Variants in SLC10A7 observed in about 807,000 individuals in gnomAD.
SLC10A7 encodes the protein solute carrier family 10 member 7, also known as sodium/bile acid cotransporter 7.
Under a neutral mutation model 43.2 loss-of-function variants are expected in SLC10A7, and 29 were observed. That is an observed-to-expected ratio of 0.67 (90% CI 0.50 to 0.92). The LOEUF is 0.92. SLC10A7 is among the 40% of genes least tolerant of loss of function. The pLI, the probability that SLC10A7 is intolerant of heterozygous loss-of-function variation, is 0.00. For synonymous variants in SLC10A7, 152 were observed against 144.8 expected (o/e 1.05, Z -0.35); for missense variants, 295 against 403.2 (o/e 0.73, Z 2.30).
chr4:146,519,244 A>G (rs1243190209), intron 1 of SLC10A7, among the ~76,000 whole-genome samples: 1 of 141,726 alleles, frequency 7.1e-6, no homozygotes, highest in Non-Finnish European at 1.5e-5. Flanking sequence ...TATATATAAT[A>G]ATATATTTTA....
chr4:146,376,681 G>T (rs1375155742), intron 5 of SLC10A7, among the ~76,000 whole-genome samples: 1 of 152,088 alleles, frequency 6.6e-6, no homozygotes, highest in Non-Finnish European at 1.5e-5. Context: ...GTGCCATAAA[G>T]AAATAGCACT....
intron 5 of SLC10A7, among the ~76,000 whole-genome samples, chr4:146,361,707 T>A (rs1736061807): frequency 6.6e-6 from 1 of 151,988 alleles, no homozygotes; most frequent in South Asian, 2.1e-4. Context: ...ATCAGAAACA[T>A]CCAGGAAAAC....
chr4:146,418,634 G>C (rs1017534296), intron 5 of SLC10A7, among the ~76,000 whole-genome samples: 1 of 152,156 alleles, frequency 6.6e-6, no homozygotes, highest in African/African-American at 2.4e-5. Context: ...CCAAAGCAAA[G>C]TGCATTTCCT....
chr4:146,276,779 C>T (rs1010558852), intron 10 of SLC10A7, among the ~76,000 whole-genome samples: 10 of 151,852 alleles, frequency 6.6e-5, no homozygotes, highest in Admixed American at 1.3e-4. Context: ...ACGAAGCCCC[C>T]GTCTCTACAA....
chr4:146,516,251 T>C (rs1737949040), intron 2 of SLC10A7, among the ~76,000 whole-genome samples: 1 of 151,824 alleles, frequency 6.6e-6, no homozygotes, highest in African/African-American at 2.4e-5. Context: ...TTTTCTTCCA[T>C]TGTAAGTTAA....
chr4:146,477,936 T>C (rs1426853268), intron 4 of SLC10A7: 2 of 152,220 alleles, frequency 1.3e-5, no homozygotes, highest in Non-Finnish European at 2.9e-5. Context: ...AGAAGAATAA[T>C]GGCTTAGAGA....
chr4:146,417,821 T>C (rs1377072731), intron 5 of SLC10A7, among the ~76,000 whole-genome samples: 1 of 152,188 alleles, frequency 6.6e-6, no homozygotes, highest in Non-Finnish European at 1.5e-5. Flanking sequence ...GCTTGGATAC[T>C]ACGGGAAAGA....
intron 6 of SLC10A7, 45 bp from the exon 7 acceptor site, chr4:146,306,054 A>G (rs1731548716): frequency 1.4e-6 from 2 of 1,477,634 alleles, no homozygotes; most frequent in Non-Finnish European, 1.8e-6. Flanking sequence ...CAAATCAGTT[A>G]TCAAGCATTA....
At chr4:146,269,659 A>G (rs1728776711) in intron 10 of SLC10A7, among the ~76,000 whole-genome samples, 1 of 152,200 alleles carries the variant, frequency 6.6e-6, no homozygotes, top group African/African-American at 2.4e-5. Context: ...ACTGTTGTCC[A>G]ATTTTACAGA....
intron 10 of SLC10A7, among the ~76,000 whole-genome samples, chr4:146,270,483 G>A (rs1441587866): frequency 2.6e-5 from 4 of 152,168 alleles, no homozygotes; most frequent in Non-Finnish European, 4.4e-5. Flanking sequence ...TAAATGCAGT[G>A]GTTCTCAGCT....
intron 9 of SLC10A7, 68 bp from the exon 10 acceptor site, chr4:146,283,333 T>C (rs1729670017): frequency 3.4e-6 from 4 of 1,179,914 alleles, no homozygotes; most frequent in Non-Finnish European, 5.1e-6. Context: ...CAAAATCAAA[T>C]GTAGTACCTA....
chr4:146,286,961 A>AGTTTGGAGTGGTGAGAAGGACTGT (rs1578790209), intron 9 of SLC10A7, among the ~76,000 whole-genome samples: 12 of 125,728 alleles, frequency 9.5e-5, no homozygotes, highest in Non-Finnish European at 1.2e-4. Context: ...AGAAGGACTG[A>AGTTTGGAGTGGTGAGAAGGACTGT]GTTTGGAGTG....
rs146787487 is a variant in SLC10A7, at chr4:146,337,389, C to T, written c.436-11393G>A. On this transcript the variant is annotated intron_variant, in intron 5 of 11. Coordinates refer to ENST00000335472, the MANE Select transcript of SLC10A7 (RefSeq NM_001029998.6). ...TTATTTTCCCTGAGAACACATGGAG[C>T]AGCCAATTATTAGTAGCACTGCAAA... Among the ~76,000 whole-genome samples the T allele has an allele frequency of 4.0e-3, 601 of 152,078 alleles. 9 individuals are homozygous for T. Among genetic ancestry groups the T allele is most frequent in the Admixed American group, 0.037 (559 of 15,246 alleles).
chr4:146,379,022 G>A (rs947519335), intron 5 of SLC10A7, among the ~76,000 whole-genome samples: 2 of 152,160 alleles, frequency 1.3e-5, no homozygotes, highest in African/African-American at 2.4e-5. Context: ...CAAGCCCAGA[G>A]GCATCATGGA....
chr4:146,459,797 T>C (rs1244963057), intron 4 of SLC10A7, among the ~76,000 whole-genome samples: 4 of 151,810 alleles, frequency 2.6e-5, no homozygotes, highest in Admixed American at 2.0e-4. Context: ...TCACAAACTT[T>C]TGATATAATA....
chr4:146,285,212 A>G (rs1395948515), intron 9 of SLC10A7, among the ~76,000 whole-genome samples: 1 of 152,186 alleles, frequency 6.6e-6, no homozygotes, highest in Non-Finnish European at 1.5e-5. Flanking sequence ...TTGGGACAGT[A>G]GAATGACATA....
intron 4 of SLC10A7, among the ~76,000 whole-genome samples, chr4:146,480,074 T>C (rs1193735454): frequency 1.3e-5 from 2 of 152,154 alleles, no homozygotes; most frequent in African/African-American, 2.4e-5. Context: ...ATAACAAAAC[T>C]ATTCTTAATA....
In SLC10A7 at chr4:146,254,506, G is replaced by A. The variant is rs375243463; in HGVS notation, c.*1985C>T. On this transcript the variant is annotated 3_prime_UTR_variant, in exon 12 of 12. Transcript: ENST00000335472. The stretch of plus-strand genomic sequence containing the variant: ...AAATAGGCATAAACATATCACTAAC[G>A]CCACCAAAGTTCACTATGTAAAGAT... The A allele has an allele frequency of 9.2e-5, 14 of 152,124 alleles. No individual in the cohort carries two copies. The highest frequency in any genetic ancestry group is 7.7e-4 in the East Asian group (4 of 5,182). The allele number at this position is 152,124 out of a possible 1,614,324, so 9.4% of individuals were successfully genotyped here. A position where few individuals can be genotyped will look rare whatever the true frequency, so the allele number is the denominator to read the frequency against.
intron 5 of SLC10A7, among the ~76,000 whole-genome samples, chr4:146,350,845 C>A (rs1735034508): frequency 7.5e-6 from 1 of 133,118 alleles, no homozygotes; most frequent in Admixed American, 7.4e-5. Context: ...GGAAAACTAA[C>A]AAACAGAAAG....
Sources: gnomAD v4.1 joint callset for allele counts (sites outside exome capture counted in the v4.1 genomes callset) on GRCh38, gnomAD v4.1.1 for gene constraint, MANE v1.5 for transcripts, NCBI Gene and HGNC (gene_info 2026-07-23, HGNC 2026-07-21) for gene names.